Variants in NEBL observed in about 807,000 individuals in gnomAD.
The protein encoded by NEBL is LIM and SH3 protein 2.
In NEBL, 122 loss-of-function variants were observed where a neutral mutation model predicts 140.2. That is an observed-to-expected ratio of 0.87 (90% CI 0.75 to 1.01). NEBL has a LOEUF of 1.01. Among genes scored for constraint, NEBL ranks in the 50% least tolerant of loss-of-function variants. The probability of loss-of-function intolerance (pLI) is 0.00; values close to 1 mark genes in which losing one functional copy is unlikely to be tolerated. For synonymous variants in NEBL, 436 were observed against 398.9 expected, an observed-to-expected ratio of 1.09 and a Z score of -1.11; for missense variants, 1,365 against 1,231.3, an observed-to-expected ratio of 1.11 and a Z score of -1.62.
rs758124799 is a variant in NEBL at position 21,087,841 on chromosome 10, C to T, written c.165-67640G>A. On this transcript the variant is annotated intron_variant, in intron 2 of 6. Coordinates refer to the NEBL transcript ENST00000417816. ...TCCATCCTTAAAAGAAAATGACTTA[C>T]GTGGAAATTACTGAGAATCAGAAAA... Among the ~76,000 whole-genome samples the T allele has an allele frequency of 5.3e-5, 8 of 152,116 alleles. No homozygotes were observed. The East Asian group carries it at 5.8e-4, about 11-fold the overall frequency.
chr10:21,183,379 A>G (rs1026672284), intron 3 of NEBL, among the ~76,000 whole-genome samples: 11 of 152,270 alleles, frequency 7.2e-5, no homozygotes, highest in African/African-American at 2.6e-4. Flanking sequence ...CCACAGGACA[A>G]GAGGGCGTCT....
chr10:21,113,944 T>A (rs933956042), intron 2 of NEBL, among the ~76,000 whole-genome samples: 7 of 152,088 alleles, frequency 4.6e-5, no homozygotes, highest in Non-Finnish European at 1.0e-4. Flanking sequence ...TCCTTTCTTC[T>A]GCTTACTTTT....
chr10:21,178,697 A>C (rs1182149188), upstream of NEBL, among the ~76,000 whole-genome samples: 1 of 152,244 alleles, frequency 6.6e-6, no homozygotes, highest in African/African-American at 2.4e-5. Context: ...ACAAACTTCA[A>C]ATAATGATGA....
intron 2 of NEBL, among the ~76,000 whole-genome samples, chr10:20,896,466 T>C (rs1847484241): frequency 8.2e-6 from 1 of 121,902 alleles, no homozygotes; most frequent in Admixed American, 9.2e-5. Context: ...TCCTGAATTG[T>C]AAATAAATAT....
chr10:20,834,062 G>A (rs1840664470), intron 14 of NEBL, among the ~76,000 whole-genome samples: 1 of 152,116 alleles, frequency 6.6e-6, no homozygotes, highest in African/African-American at 2.4e-5. Context: ...TTCCCTTGCA[G>A]ACAACAAAAG....
At chr10:21,190,666 T>C (rs1841557343) in intron 3 of NEBL, among the ~76,000 whole-genome samples, 1 of 152,230 alleles carries the variant, frequency 6.6e-6, no homozygotes, top group Non-Finnish European at 1.5e-5. Flanking sequence ...AATCTGCTTA[T>C]ACCAAACATT....
At chr10:21,129,974 A>G (rs1839025434) in intron 2 of NEBL, among the ~76,000 whole-genome samples, 1 of 152,180 alleles carries the variant, frequency 6.6e-6, no homozygotes, top group Non-Finnish European at 1.5e-5. Context: ...TCAAAAAAAT[A>G]TGACCTAACC....
chr10:20,860,899 T>A (rs2131158667), intron 7 of NEBL, among the ~76,000 whole-genome samples: 1 of 152,194 alleles, frequency 6.6e-6, no homozygotes, highest in African/African-American at 2.4e-5. Flanking sequence ...CTAGAGAAAA[T>A]CTTGGTGGGA....
At chr10:21,093,594 TG>T (rs1379549721) in intron 2 of NEBL, among the ~76,000 whole-genome samples, 7 of 152,098 alleles carry the variant, frequency 4.6e-5, no homozygotes, top group African/African-American at 1.4e-4. Context: ...TGCAACCAGA[TG>T]GGGGTCACAG....
intron 2 of NEBL, among the ~76,000 whole-genome samples, chr10:21,075,847 AC>A (rs1589210791): frequency 6.6e-6 from 1 of 152,008 alleles, no homozygotes; most frequent in South Asian, 2.1e-4. Flanking sequence ...ATAACGAACA[AC>A]CCCATTTAAA....
chr10:20,943,664 T>C (rs2131576730), intron 4 of NEBL, among the ~76,000 whole-genome samples: 1 of 152,368 alleles, frequency 6.6e-6, no homozygotes, highest in East Asian at 1.9e-4. Context: ...ATTTCTTGTT[T>C]CTTACCCACA....
intron 3 of NEBL, among the ~76,000 whole-genome samples, chr10:20,976,383 A>C (rs1195951502): frequency 6.6e-6 from 1 of 152,024 alleles, no homozygotes; most frequent in Non-Finnish European, 1.5e-5. Flanking sequence ...GAACTGAAAA[A>C]TAGAATTACC....
chr10:21,025,324 A>C (rs563942659), intron 2 of NEBL, among the ~76,000 whole-genome samples: 11 of 152,250 alleles, frequency 7.2e-5, no homozygotes, highest in Non-Finnish European at 1.2e-4. Flanking sequence ...GCTATGCAAG[A>C]ATTGGCTGAA....
At chr10:20,906,864 C>T (rs149694745) in intron 4 of NEBL, among the ~76,000 whole-genome samples, 229 of 151,528 alleles carry the variant, frequency 1.5e-3, no homozygotes, top group African/African-American at 5.4e-3. Context: ...ACTTTCTCTC[C>T]TATTTCAATC....
intron 4 of NEBL, among the ~76,000 whole-genome samples, chr10:20,942,455 C>T (rs1170837536): frequency 2.0e-5 from 3 of 152,198 alleles, no homozygotes; most frequent in Non-Finnish European, 2.9e-5. Flanking sequence ...GGATTAAAGA[C>T]TTAAATGTCA....
rs7101127 is a variant in NEBL, at chr10:20,787,372, A to T, written c.2762-64T>A. The T allele has an allele frequency of 2.6e-3, 3,357 of 1,299,036 alleles. 68 individuals are homozygous for T. The African/African-American group carries it at 0.04, about 16-fold the overall frequency. The allele number at this position is 1,299,036 out of a possible 1,614,324, so 80.5% of individuals were successfully genotyped here. A position where few individuals can be genotyped will look rare whatever the true frequency, so the allele number is the denominator to read the frequency against. On this transcript the variant is annotated intron_variant, in intron 26 of 27. Transcript: ENST00000377122. The stretch of plus-strand genomic sequence containing the variant: ...AGTTAGCCTCGAAATACCCATCCCA[A>T]ACCCTCAGAGTGATGTTATGCTCTG...
chr10:20,924,792 G>T (rs555888504), intron 4 of NEBL, among the ~76,000 whole-genome samples: 1 of 152,028 alleles, frequency 6.6e-6, no homozygotes, highest in East Asian at 1.9e-4. Flanking sequence ...GATTACAAAC[G>T]GTCGTTCAGT....
intron 2 of NEBL, among the ~76,000 whole-genome samples, chr10:21,129,682 T>C (rs1324043821): frequency 6.6e-6 from 1 of 151,912 alleles, no homozygotes; most frequent in East Asian, 1.9e-4. Context: ...AGGATTTGGA[T>C]TACCTGTATA....
At chr10:20,976,147 C>T (rs1236297127) in intron 3 of NEBL, among the ~76,000 whole-genome samples, 1 of 151,322 alleles carries the variant, frequency 6.6e-6, no homozygotes, top group Non-Finnish European at 1.5e-5. Context: ...CCAGCCTAGC[C>T]AACATGGTGA....
Sources: gnomAD v4.1 joint callset for allele counts (sites outside exome capture counted in the v4.1 genomes callset) on GRCh38, gnomAD v4.1.1 for gene constraint, MANE v1.5 for transcripts, NCBI Gene and HGNC (gene_info 2026-07-23, HGNC 2026-07-21) for gene names.